STAG1: variants seen among roughly 807,000 people sequenced by gnomAD.
The protein encoded by STAG1 is STAG1 cohesin complex component.
In STAG1, 26 loss-of-function variants were observed where a neutral mutation model predicts 170.9. That is an observed-to-expected ratio of 0.15 (90% CI 0.11 to 0.21). The LOEUF is 0.21. Ranked by LOEUF, STAG1 falls within the 10% of genes least tolerant of loss-of-function variation. STAG1 has a pLI of 1.00. For missense variants in STAG1, 964 were observed against 1,509.5 expected (o/e 0.64, Z 5.99); for synonymous variants, 514 against 497.7 (o/e 1.03, Z -0.44).
intron 6 of STAG1, among the ~76,000 whole-genome samples, chr3:136,536,703 C>CA (rs11321017): frequency 0.061 from 4,219 of 68,662 alleles, 45 homozygotes; most frequent in African/African-American, 0.077. Context: ...ACTCAGTCTC[C>CA]AAAAAAAAAA....
chr3:136,474,298 G>C lies in STAG1; in HGVS notation c.1027-661C>G, dbSNP rs138205139. Among the ~76,000 whole-genome samples the C allele has an allele frequency of 2.6e-5, 4 of 152,312 alleles. No homozygotes were observed. The East Asian group carries it at 7.7e-4, about 29-fold the overall frequency. On this transcript the variant is annotated intron_variant, in intron 10 of 33. Coordinates refer to ENST00000383202, the MANE Select transcript of STAG1 (RefSeq NM_005862.3). Reference sequence around the variant, plus strand: ...GATTAGTTTCTATCCTCTGAAAGAAGCTATGTGCTGTAACAGCAGGAGACC... The same window carrying C: ...GATTAGTTTCTATCCTCTGAAAGAACCTATGTGCTGTAACAGCAGGAGACC...
chr3:136,742,671 C>T (rs546022054), intron 1 of STAG1, among the ~76,000 whole-genome samples: 3 of 150,552 alleles, frequency 2.0e-5, no homozygotes, highest in Non-Finnish European at 3.0e-5. Context: ...GCAGAGATTG[C>T]GCCACTGCAC....
chr3:136,440,761 GGGA>G (rs935065039), intron 15 of STAG1, among the ~76,000 whole-genome samples: 3 of 151,884 alleles, frequency 2.0e-5, no homozygotes, highest in Non-Finnish European at 4.4e-5. Context: ...AGGGTGAGGT[GGGA>G]GGACTACTTG....
chr3:136,578,991 T>C (rs1383408024), intron 4 of STAG1, among the ~76,000 whole-genome samples: 3 of 152,198 alleles, frequency 2.0e-5, no homozygotes, highest in Non-Finnish European at 2.9e-5. Flanking sequence ...AAACACTACA[T>C]CCCTGGGAAA....
At chr3:136,697,977 A>C (rs2107904559) in intron 1 of STAG1, among the ~76,000 whole-genome samples, 1 of 152,276 alleles carries the variant, frequency 6.6e-6, no homozygotes, top group Middle Eastern at 3.4e-3. Context: ...TTCTTATGAA[A>C]TACACATTAT....
chr3:136,380,394 G>A (rs751468342), intron 22 of STAG1, among the ~76,000 whole-genome samples: 7 of 151,858 alleles, frequency 4.6e-5, no homozygotes, highest in Non-Finnish European at 7.4e-5. Flanking sequence ...GGTGTGTGCT[G>A]CCATACCTGG....
intron 7 of STAG1, among the ~76,000 whole-genome samples, chr3:136,506,696 G>C (rs1013091037): frequency 6.7e-6 from 1 of 149,320 alleles, no homozygotes; most frequent in South Asian, 2.2e-4. Context: ...ACTGCTGAAA[G>C]AATTTGTTAG....
chr3:136,436,762 G>A (rs1409161163), intron 15 of STAG1, among the ~76,000 whole-genome samples: 2 of 152,088 alleles, frequency 1.3e-5, no homozygotes, highest in Non-Finnish European at 2.9e-5. Flanking sequence ...AAACTAAGTT[G>A]GAGCAAAATC....
In STAG1 at chr3:136,630,158, G is replaced by A. The variant is rs1314884773; in HGVS notation, c.29+712C>T. On this transcript the variant is annotated intron_variant, in intron 2 of 33. Coordinates refer to ENST00000383202, the MANE Select transcript of STAG1 (RefSeq NM_005862.3). ...AGCAGTGAGCCGAGATCGCACCACTGCATTCCAGCATGGGCAACAGTGGAA... is the reference window on the plus strand; with the variant it reads ...AGCAGTGAGCCGAGATCGCACCACTACATTCCAGCATGGGCAACAGTGGAA... Among the ~76,000 whole-genome samples the A allele has an allele frequency of 2.6e-5, 4 of 152,208 alleles. No individual in the cohort carries two copies. The East Asian group carries it at 5.8e-4, about 22-fold the overall frequency.
At chr3:136,547,916 A>T (rs954296764) in intron 5 of STAG1, among the ~76,000 whole-genome samples, 4 of 152,104 alleles carry the variant, frequency 2.6e-5, no homozygotes, top group African/African-American at 4.8e-5. Context: ...TAAGGGTCCA[A>T]ACCAATTTCA....
At chr3:136,476,418 G>A (rs529913163) in intron 10 of STAG1, among the ~76,000 whole-genome samples, 1 of 152,170 alleles carries the variant, frequency 6.6e-6, no homozygotes, top group East Asian at 1.9e-4. Context: ...TAACTGAAGG[G>A]CAACCCATAG....
chr3:136,370,048 T>TTACTATACTA (rs71157375), intron 23 of STAG1, among the ~76,000 whole-genome samples: 73 of 150,226 alleles, frequency 4.9e-4, no homozygotes, highest in African/African-American at 1.2e-3. Context: ...GCGTATGTAT[T>TTACTATACTA]TACTATACTA....
At chr3:136,581,683 A>C (rs1329410560) in intron 4 of STAG1, among the ~76,000 whole-genome samples, 2 of 152,172 alleles carry the variant, frequency 1.3e-5, no homozygotes, top group Non-Finnish European at 2.9e-5. Flanking sequence ...TCACATGAAA[A>C]ATTATATGGG....
chr3:136,681,513 A>G (rs1942335211), intron 1 of STAG1, among the ~76,000 whole-genome samples: 1 of 152,224 alleles, frequency 6.6e-6, no homozygotes, highest in Admixed American at 6.5e-5. Context: ...GAGGTTATAA[A>G]TAAGAGCTGA....
intron 4 of STAG1, chr3:136,587,016 G>A: frequency 5.2e-6 from 2 of 386,234 alleles, no homozygotes; most frequent in South Asian, 2.0e-5. Flanking sequence ...TCTGGTATTG[G>A]ATGGTTACAT....
At chr3:136,414,786 CTGTTG>C (rs372913835) in intron 21 of STAG1, among the ~76,000 whole-genome samples, 33 of 152,290 alleles carry the variant, frequency 2.2e-4, no homozygotes, top group African/African-American at 7.2e-4. Flanking sequence ...AAAATTACTT[CTGTTG>C]TGTTAACAGT....
At chr3:136,451,711 C>T (rs1290877003) in intron 14 of STAG1, among the ~76,000 whole-genome samples, 5 of 151,436 alleles carry the variant, frequency 3.3e-5, no homozygotes, top group Non-Finnish European at 7.4e-5. Flanking sequence ...TGCAGTGAGC[C>T]GAGATCGCAC....
chr3:136,343,746 G>T, intron 30 of STAG1, 86 bp downstream of exon 30: 1 of 1,133,014 alleles, frequency 8.8e-7, no homozygotes, highest in Non-Finnish European at 1.2e-6. Context: ...CCAGCAATAT[G>T]TTCTGATGAA....
intron 1 of STAG1, among the ~76,000 whole-genome samples, chr3:136,652,586 A>G (rs1378472619): frequency 6.6e-6 from 1 of 152,212 alleles, no homozygotes; most frequent in African/African-American, 2.4e-5. Flanking sequence ...ACAGACACAT[A>G]AAAATTAGAA....
Sources: gnomAD v4.1 joint callset for allele counts (sites outside exome capture counted in the v4.1 genomes callset) on GRCh38, gnomAD v4.1.1 for gene constraint, MANE v1.5 for transcripts, NCBI Gene and HGNC (gene_info 2026-07-23, HGNC 2026-07-21) for gene names.